RFX1: variants seen among roughly 807,000 people sequenced by gnomAD.
The protein encoded by RFX1 is regulatory factor X1.
RFX1 carries 42 observed loss-of-function variants against 119.6 expected under a neutral mutation model. The observed-to-expected ratio is 0.35, with a 90% CI of 0.27 to 0.45. RFX1 has a LOEUF of 0.45. Among genes scored for constraint, RFX1 ranks in the 20% least tolerant of loss-of-function variants. The pLI is 1.00. For missense variants in RFX1, 1,118 were observed against 1,368.1 expected (o/e 0.82, Z 2.88); for synonymous variants, 628 against 618.5 (o/e 1.02, Z -0.23).
In RFX1 at chr19:13,965,590, G is replaced by T. The variant is rs1205758860; in HGVS notation, c.2113+36C>A. 1 of 1,612,380 alleles carries T rather than the reference G, an allele frequency of 6.2e-7. No homozygotes were observed. Among genetic ancestry groups the T allele is most frequent in the African/African-American group, 1.3e-5 (1 of 74,880 alleles). On this transcript the variant is annotated intron_variant, in intron 15 of 20. Coordinates refer to ENST00000254325, the MANE Select transcript of RFX1 (RefSeq NM_002918.5). The surrounding 1 kb of genome is among the most constrained non-coding windows in gnomAD (Gnocchi z 4.7). ...GTCGGTCAGGGCAGGGCGGGTGTAT[G>T]TGGGGCAGGGGATGCCGAGCAGGCC...
chr19:13,993,429 T>TG, intron 2 of RFX1, 96 bp downstream of exon 2: 1 of 1,244,690 alleles, frequency 8.0e-7, no homozygotes, highest in Non-Finnish European at 1.1e-6. Flanking sequence ...CCAGAAACCT[T>TG]GGGGGGCATG....
At chr19:13,963,512 C>T in intron 18 of RFX1, 26 bp downstream of exon 18, 1 of 1,576,484 alleles carries the variant, frequency 6.3e-7, no homozygotes, top group Non-Finnish European at 8.6e-7. Flanking sequence ...TGGTGCCGCC[C>T]GGACCCGATC....
intron 8 of RFX1, among the ~76,000 whole-genome samples, chr19:13,976,386 C>T (rs1194462054): frequency 1.3e-5 from 2 of 152,254 alleles, no homozygotes; most frequent in South Asian, 4.1e-4. Flanking sequence ...AGTACTGCAG[C>T]AATTTCTGTG....
chr19:13,971,565 C>T (rs992418206), intron 9 of RFX1, among the ~76,000 whole-genome samples: 1 of 152,160 alleles, frequency 6.6e-6, no homozygotes, highest in Non-Finnish European at 1.5e-5. Context: ...GTTCAGGAAG[C>T]TCCCCATGGC....
chr19:13,967,769 C>A (rs1282969917), intron 12 of RFX1, among the ~76,000 whole-genome samples: 1 of 152,146 alleles, frequency 6.6e-6, no homozygotes, highest in East Asian at 1.9e-4. Context: ...TGAACCACTG[C>A]ACCAGGCCTT....
rs1191301284 is a variant in RFX1 at position 13,986,668 on chromosome 19, C to T, written c.320-3073G>A. On this transcript the variant is annotated intron_variant, in intron 2 of 20. Transcript: ENST00000254325. This position sits in a 1 kb window ranked among gnomAD's most constrained non-coding sequence, Gnocchi z 4.2. ...GAGGCCAGGGAGGCCCCCACTGTCT[C>T]AGGAAACGGCGGCCGATTTCCTGTC... is the stretch of plus-strand genomic sequence containing the variant. Among the ~76,000 whole-genome samples, 1 of 152,174 alleles carries T rather than the reference C, an allele frequency of 6.6e-6. No homozygotes were observed. Among genetic ancestry groups the T allele is most frequent in the East Asian group, 1.9e-4 (1 of 5,198 alleles).
In RFX1 at chr19:13,969,379, C is replaced by T. The variant is rs1006376052; in HGVS notation, c.1497-485G>A. On this transcript the variant is annotated intron_variant, in intron 10 of 20. Transcript: ENST00000254325. The surrounding 1 kb of genome is among the most constrained non-coding windows in gnomAD (Gnocchi z 4.5). Reference sequence around the variant, plus strand: ...GTAAAAGGCACGTGTGGGCCGGGCACGGTGGGGTCATGCCTATAATCCTAG... The same window carrying T: ...GTAAAAGGCACGTGTGGGCCGGGCATGGTGGGGTCATGCCTATAATCCTAG... Among the ~76,000 whole-genome samples the T allele has an allele frequency of 2.0e-5, 3 of 152,034 alleles. No homozygotes were observed. Among genetic ancestry groups the T allele is most frequent in the East Asian group, 1.9e-4 (1 of 5,188 alleles).
Position 14,005,769 on chromosome 19 carries a change from C to A in RFX1, c.-53+334G>T, listed in dbSNP as rs370867707. 5.1e-4 allele frequency among the ~76,000 whole-genome samples: 78 copies of A among 151,778 alleles called. 1 individual carries two copies. The East Asian group carries it at 6.6e-3, about 13-fold the overall frequency. On this transcript the variant is annotated intron_variant, in intron 1 of 20. Coordinates refer to ENST00000254325, the MANE Select transcript of RFX1 (RefSeq NM_002918.5). ...CTGGTCCCGCCCACCCACCTTGGCC[C>A]CGCCTCGTACCTCCCTCGCTCCCAT... is the stretch of plus-strand genomic sequence containing the variant.
Position 13,986,622 on chromosome 19 carries a change from C to G in RFX1, c.320-3027G>C, listed in dbSNP as rs903431835. ...GCGTCTGCATCTATCTGCCGGAGAT[C>G]GCCACTCTGGGCATGCGCAGGAGGC... On this transcript the variant is annotated intron_variant, in intron 2 of 20. Transcript: ENST00000254325. This position sits in a 1 kb window ranked among gnomAD's most constrained non-coding sequence, Gnocchi z 4.2. Among the ~76,000 whole-genome samples, 1 of 152,120 alleles carries G rather than the reference C, an allele frequency of 6.6e-6. No homozygotes were observed. The highest frequency in any genetic ancestry group is 2.4e-5 in the African/African-American group (1 of 41,404).
chr19:13,996,305 G>T (rs1210265416), intron 1 of RFX1, among the ~76,000 whole-genome samples: 2 of 152,210 alleles, frequency 1.3e-5, no homozygotes, highest in Non-Finnish European at 2.9e-5. Flanking sequence ...GAAGGCATTT[G>T]GGTCTGAGAG....
chr19:13,975,446 G>A (rs564946533), intron 8 of RFX1, among the ~76,000 whole-genome samples: 1 of 152,294 alleles, frequency 6.6e-6, no homozygotes, highest in South Asian at 2.1e-4. Context: ...AGGTGGCAGG[G>A]GAGGGAGCCG....
chr19:13,998,587 G>C (rs1317949091), intron 1 of RFX1, among the ~76,000 whole-genome samples: 1 of 152,202 alleles, frequency 6.6e-6, no homozygotes, highest in African/African-American at 2.4e-5. Context: ...TCCAAGCCAG[G>C]TTGGGACAGA....
Position 13,962,640 on chromosome 19 carries a change from A to C in RFX1, c.*55T>G, listed in dbSNP as rs2145520163. ...TGACCACGAAGCCACAGAAGCTTTGAGGGACCCTGGCGTGGAGGGGTGGCG... is the reference window on the plus strand; with the variant it reads ...TGACCACGAAGCCACAGAAGCTTTGCGGGACCCTGGCGTGGAGGGGTGGCG... On this transcript the variant is annotated 3_prime_UTR_variant, in exon 21 of 21. Coordinates refer to ENST00000254325, the MANE Select transcript of RFX1 (RefSeq NM_002918.5). The C allele has an allele frequency of 1.7e-6, 2 of 1,159,652 alleles. No individual in the cohort carries two copies. The highest frequency in any genetic ancestry group is 2.2e-6 in the Non-Finnish European group (2 of 924,736). 71.8% of individuals were successfully genotyped at this position (1,159,652 alleles called of 1,614,324 possible). A position where few individuals can be genotyped will look rare whatever the true frequency, so the allele number is the denominator to read the frequency against.
At chr19:14,004,982 G>A (rs984395305) in intron 1 of RFX1, among the ~76,000 whole-genome samples, 1 of 152,190 alleles carries the variant, frequency 6.6e-6, no homozygotes, top group Non-Finnish European at 1.5e-5. Context: ...GACCTTGTCA[G>A]TGACATGTGA....
rs374833159 is a variant in RFX1 at position 13,972,817 on chromosome 19, C to T, written c.1240G>A (p.Val414Met). The change falls in exon 9 of 21, where the codon GTG (valine) becomes ATG (methionine). Residue 414 changes from valine (V) to methionine (M), a missense_variant. By Grantham distance (21) the Val-to-Met change is conservative. Coordinates refer to ENST00000254325, the MANE Select transcript of RFX1 (RefSeq NM_002918.5). ...GGGGSGAGTY[V>M]IQGGYMLGSA... The stretch of plus-strand genomic sequence containing the variant: ...CCCAGCATGTAGCCGCCTTGGATCA[C>T]GTAGGTGCCTGCTCCGCTGCCGCCG... The T allele has an allele frequency of 1.9e-5, 30 of 1,606,196 alleles. No individual in the cohort carries two copies. The highest frequency in any genetic ancestry group is 3.4e-5 in the Admixed American group (2 of 59,550).
At position 13,979,474 on chromosome 19, in the gene RFX1, G is replaced by T. The variant is rs1380763659; in HGVS notation, c.807C>A (p.Gly269=). The change falls in exon 7 of 21, where the codon GGC becomes GGA. Residue 269 remains glycine, a synonymous_variant. Coordinates refer to ENST00000254325, the MANE Select transcript of RFX1 (RefSeq NM_002918.5). ...CTTGAGCCACGTGGACTGGCTGGAGGCCCTGCACGGTCAGCGGCTGCACCG... is the reference window on the plus strand; with the variant it reads ...CTTGAGCCACGTGGACTGGCTGGAGTCCCTGCACGGTCAGCGGCTGCACCG... ...PGPVQPLTVQ[G]LQPVHVAQEV... is the part of the protein sequence containing the mutation. 3 of 1,599,858 alleles carry T rather than the reference G, an allele frequency of 1.9e-6. No homozygotes were observed. The highest frequency in any genetic ancestry group is 2.6e-6 in the Non-Finnish European group (3 of 1,172,454).
rs945167764 is a variant in RFX1 at position 13,979,601 on chromosome 19, A to G, written c.739-59T>C. On this transcript the variant is annotated intron_variant, in intron 6 of 20. Transcript: ENST00000254325. ...GGCAACGATGGCCGTCAACCTACCC[A>G]GCCCCTGCACAGGTGAGCTTCTGTA... 17 of 1,269,126 alleles carry G rather than the reference A, an allele frequency of 1.3e-5. No individual in the cohort carries two copies. The African/African-American group carries it at 1.9e-4, about 14-fold the overall frequency. 78.6% of individuals were successfully genotyped at this position (1,269,126 alleles called of 1,614,324 possible).
rs775302421 is a variant in RFX1, at chr19:13,966,724, G to A, written c.1760C>T (p.Thr587Ile). 2 of 1,610,744 alleles carry A rather than the reference G, an allele frequency of 1.2e-6. No individual in the cohort carries two copies. Among genetic ancestry groups the A allele is most frequent in the Non-Finnish European group, 1.7e-6 (2 of 1,178,834 alleles). The change falls in exon 13 of 21, where the codon ACA becomes ATA. Residue 587 changes from threonine to isoleucine, a missense_variant. Physicochemically the swap from Thr to Ile is moderately conservative, Grantham distance 89. Coordinates refer to ENST00000254325, the MANE Select transcript of RFX1 (RefSeq NM_002918.5). The surrounding 1 kb of genome is among the most constrained non-coding windows in gnomAD (Gnocchi z 6.3). Reference protein sequence around the residue: ...LDASRSLPDFTELDLQGKVLP... With the variant: ...LDASRSLPDFIELDLQGKVLP... ...CACCTTGCCCTGGAGGTCGAGCTCT[G>A]TGAAGTCAGGGAGGCTCCGAGAGGC...
Position 13,961,658 on chromosome 19 carries a change from G to A in RFX1, c.*1037C>T, listed in dbSNP as rs920159122. On this transcript the variant is annotated 3_prime_UTR_variant, in exon 21 of 21. Transcript: ENST00000254325. Reference sequence around the variant, plus strand: ...CGGGAGAGGGAGCCCCGTGGGCACGGGGACTGGGCAGGGCCGCCCCAAAAG... The same window carrying A: ...CGGGAGAGGGAGCCCCGTGGGCACGAGGACTGGGCAGGGCCGCCCCAAAAG... 2.6e-5 allele frequency: 4 copies of A among 153,098 alleles called. No individual in the cohort carries two copies. Among genetic ancestry groups the A allele is most frequent in the Admixed American group, 1.9e-4 (3 of 15,412 alleles). The allele number at this position is 153,098 out of a possible 1,614,324, so 9.5% of individuals were successfully genotyped here.
Sources: gnomAD v4.1 joint callset for allele counts (sites outside exome capture counted in the v4.1 genomes callset) on GRCh38, gnomAD v4.1.1 for gene constraint, Gnocchi (gnomAD v3.1) non-coding constraint, MANE v1.5 for transcripts, NCBI Gene and HGNC (gene_info 2026-07-23, HGNC 2026-07-21) for gene names.